Variants in KCND2 observed in about 807,000 individuals in gnomAD.
The protein encoded by KCND2 is A-type voltage-gated potassium channel KCND2.
In KCND2, 16 loss-of-function variants were observed where a neutral mutation model predicts 54.4. The observed-to-expected ratio is 0.29, with a 90% CI of 0.20 to 0.45. The LOEUF (loss-of-function observed/expected upper bound fraction) is 0.45. Ranked by LOEUF, KCND2 falls within the 20% of genes least tolerant of loss-of-function variation. KCND2 has a pLI of 1.00. For synonymous variants in KCND2, 317 were observed against 310.7 expected (o/e 1.02, Z -0.21); for missense variants, 486 against 824.2 (o/e 0.59, Z 5.02).
At chr7:120,712,085 C>T (rs1792545456) in intron 1 of KCND2, among the ~76,000 whole-genome samples, 1 of 150,498 alleles carries the variant, frequency 6.6e-6, no homozygotes, top group Non-Finnish European at 1.5e-5. Flanking sequence ...GTTCCTTGTC[C>T]TACCTTCTGT....
chr7:120,740,645 A>G lies in KCND2; in HGVS notation c.1279-889A>G, dbSNP rs141927371. Among the ~76,000 whole-genome samples, 158 of 152,230 alleles carry G rather than the reference A, an allele frequency of 1.0e-3. 1 individual carries two copies. Among genetic ancestry groups the G allele is most frequent in the East Asian group, 9.3e-3 (48 of 5,180 alleles). ...CTGGCTACACAGCCAGATCCTTAGT[A>G]CTTTCACTTTAGGGATCTAACTGTA... is the stretch of plus-strand genomic sequence containing the variant. On this transcript the variant is annotated intron_variant, in intron 2 of 5. Coordinates refer to ENST00000331113, the MANE Select transcript of KCND2 (RefSeq NM_012281.3).
intron 1 of KCND2, among the ~76,000 whole-genome samples, chr7:120,380,949 G>A (rs912271818): frequency 5.9e-5 from 9 of 152,000 alleles, no homozygotes; most frequent in African/African-American, 2.2e-4. Context: ...TCACAAAATG[G>A]TTTTAGTTTT....
intron 1 of KCND2, among the ~76,000 whole-genome samples, chr7:120,326,958 T>TA (rs970889705): frequency 6.6e-6 from 1 of 152,048 alleles, no homozygotes; most frequent in Non-Finnish European, 1.5e-5. Context: ...GGCTAGGATT[T>TA]AAAAAATCAA....
At chr7:120,493,207 C>CATAT (rs140884909) in intron 1 of KCND2, among the ~76,000 whole-genome samples, 1 of 149,152 alleles carries the variant, frequency 6.7e-6, no homozygotes, top group African/African-American at 2.5e-5. Context: ...AGATCTATAT[C>CATAT]ATATATATAT....
chr7:120,453,801 A>G (rs1164872242), intron 1 of KCND2, among the ~76,000 whole-genome samples: 2 of 152,184 alleles, frequency 1.3e-5, no homozygotes, highest in Admixed American at 1.3e-4. Context: ...AAAAGTTAAA[A>G]AGAGTCCAGG....
chr7:120,439,236 A>G (rs980259892), intron 1 of KCND2, among the ~76,000 whole-genome samples: 3 of 152,072 alleles, frequency 2.0e-5, no homozygotes, highest in African/African-American at 7.2e-5. Context: ...GAGCCTACCA[A>G]TTAAACTAGG....
At chr7:120,287,467 C>T (rs1799362800) in intron 1 of KCND2, among the ~76,000 whole-genome samples, 1 of 152,080 alleles carries the variant, frequency 6.6e-6, no homozygotes, top group Non-Finnish European at 1.5e-5. Flanking sequence ...TCAATTCTCA[C>T]ATCAAATATA....
At chr7:120,653,315 G>C (rs1189198181) in intron 1 of KCND2, among the ~76,000 whole-genome samples, 3 of 151,726 alleles carry the variant, frequency 2.0e-5, no homozygotes, top group Non-Finnish European at 4.4e-5. Flanking sequence ...CAAAGTGCTG[G>C]AATTATAGAT....
At chr7:120,363,575 T>G (rs965499182) in intron 1 of KCND2, among the ~76,000 whole-genome samples, 1 of 152,094 alleles carries the variant, frequency 6.6e-6, no homozygotes, top group Non-Finnish European at 1.5e-5. Flanking sequence ...TGGTCAGCTA[T>G]TTTGATCTCT....
intron 1 of KCND2, among the ~76,000 whole-genome samples, chr7:120,698,429 A>G (rs1002519593): frequency 6.6e-6 from 1 of 152,314 alleles, no homozygotes; most frequent in Non-Finnish European, 1.5e-5. Flanking sequence ...TTTGTTACAT[A>G]TAAGTAATAA....
intron 1 of KCND2, among the ~76,000 whole-genome samples, chr7:120,522,081 A>T (rs758772406): frequency 3.3e-5 from 5 of 152,096 alleles, no homozygotes; most frequent in African/African-American, 7.2e-5. Flanking sequence ...TCAGCTTCCA[A>T]TCTGACTTTT....
intron 1 of KCND2, chr7:120,463,936 T>TAGATAG (rs1220980693): frequency 2.9e-6 from 1 of 350,604 alleles, no homozygotes; most frequent in Non-Finnish European, 4.0e-6. Context: ...GATAGATAGA[T>TAGATAG]AGATAGATCG....
rs186384014 is a variant in KCND2, at chr7:120,274,518, G to A, written c.-115G>A. On this transcript the variant is annotated 5_prime_UTR_variant, in exon 1 of 6. Transcript: ENST00000331113. ...ATCTTGGAATAAGAGTTACACCTCT[G>A]GACCACGTTTCTCACTAGTACTTTG... 1.6e-4 allele frequency: 196 copies of A among 1,189,708 alleles called. 1 individual carries two copies. The East Asian group carries it at 4.5e-3, about 27-fold the overall frequency. 73.7% of individuals were successfully genotyped at this position (1,189,708 alleles called of 1,614,324 possible). A position where few individuals can be genotyped will look rare whatever the true frequency, so the allele number is the denominator to read the frequency against.
At chr7:120,573,861 A>C (rs1203512568) in intron 1 of KCND2, among the ~76,000 whole-genome samples, 1 of 152,176 alleles carries the variant, frequency 6.6e-6, no homozygotes, top group African/African-American at 2.4e-5. Flanking sequence ...TACAGTTGAG[A>C]AGTTATTCTC....
At position 120,682,389 on chromosome 7, in the gene KCND2, TA is replaced by T. The variant is rs1792150729; in HGVS notation, c.1116-50513del. On this transcript the variant is annotated intron_variant, in intron 1 of 5. Transcript: ENST00000331113. ...AGTAATGGTCACATTTCCTAACTGA[TA>T]GAATACAGTGTAAATTAAAAGCCAG... is the stretch of plus-strand genomic sequence containing the variant. 2.0e-5 allele frequency among the ~76,000 whole-genome samples: 3 copies of T among 152,090 alleles called. No individual in the cohort carries two copies. The South Asian group carries it at 6.2e-4, about 31-fold the overall frequency.
intron 1 of KCND2, among the ~76,000 whole-genome samples, chr7:120,407,614 A>G (rs1303621756): frequency 6.6e-6 from 1 of 152,014 alleles, no homozygotes; most frequent in Admixed American, 6.6e-5. Flanking sequence ...CCAGATGGTT[A>G]CTATAAAGTT....
chr7:120,513,651 T>TA lies in KCND2; in HGVS notation c.1116-219251dup, dbSNP rs552589348. On this transcript the variant is annotated intron_variant, in intron 1 of 5. Coordinates refer to ENST00000331113, the MANE Select transcript of KCND2 (RefSeq NM_012281.3). Reference sequence around the variant, plus strand: ...AAAACCTTGTTATATTTTAAATAGTTACAATAGTTGAGAGTTTGGTTTGTT... The same window carrying TA: ...AAAACCTTGTTATATTTTAAATAGTTAACAATAGTTGAGAGTTTGGTTTGTT... 9.9e-5 allele frequency among the ~76,000 whole-genome samples: 15 copies of TA among 152,238 alleles called. No individual in the cohort carries two copies. The East Asian group carries it at 2.9e-3, about 29-fold the overall frequency.
Position 120,749,372 on chromosome 7 carries a change from A to G in KCND2, c.*1514A>G, listed in dbSNP as rs1793045200. On this transcript the variant is annotated 3_prime_UTR_variant, in exon 6 of 6. Transcript: ENST00000331113. ...TACATTTAAGTGAAAAGTCTTTATAACTTTTCACCCTTAAAATATTTCAGC... is the reference window on the plus strand; with the variant it reads ...TACATTTAAGTGAAAAGTCTTTATAGCTTTTCACCCTTAAAATATTTCAGC... 1 of 152,278 alleles carries G rather than the reference A, an allele frequency of 6.6e-6. No individual in the cohort carries two copies. The highest frequency in any genetic ancestry group is 2.1e-4 in the South Asian group (1 of 4,824). The allele number at this position is 152,278 out of a possible 1,614,324, so 9.4% of individuals were successfully genotyped here.
chr7:120,677,548 G>GATATAGATATAT (rs1562906424), intron 1 of KCND2, among the ~76,000 whole-genome samples: 8 of 122,702 alleles, frequency 6.5e-5, no homozygotes, highest in African/African-American at 2.7e-4. Flanking sequence ...TATAGATATA[G>GATATAGATATAT]ATATATAGAT....
Sources: gnomAD v4.1 joint callset for allele counts (sites outside exome capture counted in the v4.1 genomes callset) on GRCh38, gnomAD v4.1.1 for gene constraint, MANE v1.5 for transcripts, NCBI Gene and HGNC (gene_info 2026-07-23, HGNC 2026-07-21) for gene names.